Variants in MAN2A1 observed in about 807,000 individuals in gnomAD.
MAN2A1 encodes the protein mannosidase alpha class 2A member 1, also known as alpha-mannosidase 2.
In MAN2A1, 76 loss-of-function variants were observed where a neutral mutation model predicts 142.6. That is an observed-to-expected ratio of 0.53 (90% CI 0.44 to 0.65). MAN2A1 has a LOEUF of 0.65. MAN2A1 is among the 30% of genes least tolerant of loss of function. The pLI is 0.00. For synonymous variants in MAN2A1, 559 were observed against 473.2 expected (o/e 1.18, Z -2.35); for missense variants, 1,311 against 1,365.1 (o/e 0.96, Z 0.62).
intron 12 of MAN2A1, among the ~76,000 whole-genome samples, chr5:109,814,724 A>T (rs1338882016): frequency 6.7e-6 from 1 of 149,120 alleles, no homozygotes; most frequent in Non-Finnish European, 1.5e-5. Flanking sequence ...ATAAAAAGTG[A>T]TTTAATAGGG....
chr5:109,733,995 A>G (rs1473684060), intron 4 of MAN2A1, among the ~76,000 whole-genome samples: 2 of 151,060 alleles, frequency 1.3e-5, no homozygotes, highest in East Asian at 3.9e-4. Flanking sequence ...CTGGTCCTGG[A>G]CTCTTTTTGG....
At position 109,770,485 on chromosome 5, in the gene MAN2A1, T is replaced by C; in HGVS notation, c.1140T>C (p.Phe380=). Residue 380 remains phenylalanine (F), a synonymous_variant, in exon 7 of 22, where the codon TTT becomes TTC. Coordinates refer to ENST00000261483, the MANE Select transcript of MAN2A1 (RefSeq NM_002372.4). ...FDFKRLPGGR[F]GCPWGVPPET... is the part of the protein sequence containing the mutation. ...TTAAACGTCTTCCTGGAGGCAGATT[T>C]GGTTGTCCCTGGGGAGTCCCCCCAG... The C allele has an allele frequency of 1.2e-6, 2 of 1,614,050 alleles. No individual in the cohort carries two copies. Among genetic ancestry groups the C allele is most frequent in the Non-Finnish European group, 1.7e-6 (2 of 1,179,936 alleles).
intron 12 of MAN2A1, among the ~76,000 whole-genome samples, chr5:109,815,947 C>A (rs1012450950): frequency 6.6e-6 from 1 of 152,124 alleles, no homozygotes; most frequent in African/African-American, 2.4e-5. Context: ...TATTATTAGT[C>A]CAACATCCTC....
rs372949002 is a variant in MAN2A1, at chr5:109,855,248, C to T, written c.3085C>T (p.Leu1029Phe). Reference sequence around the variant, plus strand: ...GGCAAATAAGTTCTCCTCACCTACCCTTGAGCTGCAAGGTGAATTCTCTCC... The same window carrying T: ...GGCAAATAAGTTCTCCTCACCTACCTTTGAGCTGCAAGGTGAATTCTCTCC... ...PMANKFSSPT[L>F]ELQGEFSPLQ... is the part of the protein sequence containing the mutation. Residue 1029 changes from leucine (L) to phenylalanine (F), a missense_variant, in exon 20 of 22, where the codon CTT becomes TTT. Leu to Phe is a conservative substitution (Grantham distance 22). Transcript: ENST00000261483. The T allele has an allele frequency of 1.0e-5, 16 of 1,608,020 alleles. No individual in the cohort carries two copies. In the African/African-American group the frequency reaches 2.1e-4, roughly 22 times the overall value.
chr5:109,837,686 C>T (rs1385733088), intron 16 of MAN2A1, among the ~76,000 whole-genome samples: 5 of 152,156 alleles, frequency 3.3e-5, no homozygotes, highest in African/African-American at 1.2e-4. Context: ...CTTCACTCAG[C>T]ATACGTTTAC....
chr5:109,858,347 A>G (rs1755675158), intron 20 of MAN2A1, among the ~76,000 whole-genome samples: 1 of 152,220 alleles, frequency 6.6e-6, no homozygotes, highest in Non-Finnish European at 1.5e-5. Flanking sequence ...TAACCTGATA[A>G]TAGAAGGATA....
intron 4 of MAN2A1, among the ~76,000 whole-genome samples, chr5:109,744,565 A>G (rs904557336): frequency 2.0e-5 from 3 of 152,136 alleles, no homozygotes; most frequent in Non-Finnish European, 4.4e-5. Flanking sequence ...AACTTCTAGA[A>G]GATACTGTTT....
intron 4 of MAN2A1, among the ~76,000 whole-genome samples, chr5:109,750,141 G>GTAAT (rs1239247088): frequency 6.6e-6 from 1 of 151,988 alleles, no homozygotes; most frequent in Non-Finnish European, 1.5e-5. Context: ...ATGCTTCTCA[G>GTAAT]TAATTAGGTT....
rs75879131 is a variant in MAN2A1, at chr5:109,738,473, T to G, written c.707+8960T>G. On this transcript the variant is annotated intron_variant, in intron 4 of 21. Transcript: ENST00000261483. Reference sequence around the variant, plus strand: ...ACCACTCTTTTGTTGTTCGTTTGCTTGAGTTTGCTGTCCTTTTTACTTGAA... The same window carrying G: ...ACCACTCTTTTGTTGTTCGTTTGCTGGAGTTTGCTGTCCTTTTTACTTGAA... 6.8e-3 allele frequency among the ~76,000 whole-genome samples: 1,028 copies of G among 152,272 alleles called. 15 individuals are homozygous for G. The highest frequency in any genetic ancestry group is 0.022 in the African/African-American group (912 of 41,560).
chr5:109,830,173 G>GAAATCCA (rs1416048038), intron 16 of MAN2A1, among the ~76,000 whole-genome samples: 4 of 152,122 alleles, frequency 2.6e-5, no homozygotes, highest in African/African-American at 9.7e-5. Flanking sequence ...TCCATGCATA[G>GAAATCCA]TTTTTTCATG....
intron 9 of MAN2A1, among the ~76,000 whole-genome samples, chr5:109,783,023 A>G (rs1753502575): frequency 6.6e-6 from 1 of 152,146 alleles, no homozygotes; most frequent in African/African-American, 2.4e-5. Context: ...ACCCTACAGA[A>G]TATCAACCAG....
At chr5:109,815,569 A>G (rs1754433009) in intron 12 of MAN2A1, among the ~76,000 whole-genome samples, 1 of 152,182 alleles carries the variant, frequency 6.6e-6, no homozygotes, top group African/African-American at 2.4e-5. Flanking sequence ...GTATCTCAGA[A>G]TGTTGCTTTA....
At chr5:109,762,243 G>T (rs960985216) in intron 5 of MAN2A1, among the ~76,000 whole-genome samples, 1 of 151,946 alleles carries the variant, frequency 6.6e-6, no homozygotes, top group African/African-American at 2.4e-5. Context: ...TTTCTGTAGG[G>T]CATTTTTATT....
chr5:109,771,072 T>C (rs182960330), intron 7 of MAN2A1, among the ~76,000 whole-genome samples: 221 of 152,308 alleles, frequency 1.5e-3, no homozygotes, highest in African/African-American at 5.2e-3. Flanking sequence ...GGAATATTTA[T>C]ACTTAAATAC....
intron 7 of MAN2A1, among the ~76,000 whole-genome samples, chr5:109,771,607 A>G (rs1184676779): frequency 6.6e-6 from 1 of 152,210 alleles, no homozygotes; most frequent in Non-Finnish European, 1.5e-5. Flanking sequence ...CATGAGAACC[A>G]CTGAGGAATT....
chr5:109,834,829 C>G (rs904270065), intron 16 of MAN2A1, among the ~76,000 whole-genome samples: 1 of 152,136 alleles, frequency 6.6e-6, no homozygotes, highest in Non-Finnish European at 1.5e-5. Context: ...TGAACATTTA[C>G]AGACCCAGAA....
intron 4 of MAN2A1, among the ~76,000 whole-genome samples, chr5:109,744,526 A>T (rs1215252542): frequency 6.6e-6 from 1 of 152,030 alleles, no homozygotes; most frequent in East Asian, 1.9e-4. Context: ...AGCTGGGTAA[A>T]TCTTGGCCAT....
intron 16 of MAN2A1, among the ~76,000 whole-genome samples, chr5:109,840,855 C>A (rs548358771): frequency 2.6e-4 from 40 of 151,782 alleles, no homozygotes; most frequent in Admixed American, 2.4e-3. Flanking sequence ...GGGTGCCAGC[C>A]CCGACAATCA....
intron 13 of MAN2A1, 94 bp downstream of exon 13, chr5:109,817,532 A>T (rs949998156): frequency 9.1e-6 from 11 of 1,208,710 alleles, no homozygotes; most frequent in Non-Finnish European, 1.3e-5. Context: ...TTTAGCCATC[A>T]TGTTGGTGTA....
Sources: allele counts gnomAD v4.1 joint callset (sites outside exome capture counted in the v4.1 genomes callset), GRCh38; gene constraint gnomAD v4.1.1; transcripts MANE v1.5; gene names NCBI Gene and HGNC (gene_info 2026-07-23, HGNC 2026-07-21).